The following PPARA variants were observed in gnomAD, a reference collection of about 807,000 sequenced individuals.
PPARA encodes peroxisome proliferator-activated receptor alpha.
Under a neutral mutation model 42.2 loss-of-function variants are expected in PPARA, and 22 were observed. The ratio of observed to expected loss-of-function variants is 0.52; its 90% confidence interval spans 0.37 to 0.74. PPARA has a LOEUF of 0.74. PPARA is among the 30% of genes least tolerant of loss of function. The probability of loss-of-function intolerance (pLI) is 0.00; values close to 1 mark genes in which losing one functional copy is unlikely to be tolerated. For missense variants in PPARA, 465 were observed against 608.2 expected, an observed-to-expected ratio of 0.76 and a Z score of 2.48; for synonymous variants, 242 against 239.3, an observed-to-expected ratio of 1.01 and a Z score of -0.10.
Position 46,204,225 on chromosome 22 carries a change from G to T in PPARA, c.208+5634G>T, listed in dbSNP as rs1933018426. ...TCATCCATCATGTGGACATAGCACAGTTTGCTGATTCACGCACCTGTTGAT... is the reference window on the plus strand; with the variant it reads ...TCATCCATCATGTGGACATAGCACATTTTGCTGATTCACGCACCTGTTGAT... On this transcript the variant is annotated intron_variant, in intron 4 of 8. Transcript: ENST00000407236. This position sits in a 1 kb window ranked among gnomAD's most constrained non-coding sequence, Gnocchi z 5.2. 6.6e-6 allele frequency among the ~76,000 whole-genome samples: 1 copy of T among 152,236 alleles called. No homozygotes were observed. Among genetic ancestry groups the T allele is most frequent in the Non-Finnish European group, 1.5e-5 (1 of 68,050 alleles).
chr22:46,170,543 C>A (rs768386370), intron 2 of PPARA, among the ~76,000 whole-genome samples: 2 of 151,014 alleles, frequency 1.3e-5, no homozygotes, highest in Non-Finnish European at 3.0e-5. Flanking sequence ...GCCACTGCAC[C>A]GGTCCTGATT....
At chr22:46,223,873 C>G (rs1233728977) in intron 7 of PPARA, among the ~76,000 whole-genome samples, 1 of 149,812 alleles carries the variant, frequency 6.7e-6, no homozygotes, top group Non-Finnish European at 1.5e-5. Context: ...TGGCGTGAAC[C>G]TGGGAGGTGG....
intron 3 of PPARA, among the ~76,000 whole-genome samples, chr22:46,179,801 C>T (rs1929692635): frequency 6.6e-6 from 1 of 152,160 alleles, no homozygotes; most frequent in South Asian, 2.1e-4. Flanking sequence ...AAGAAATATT[C>T]GAAAAGCATT....
chr22:46,198,170 G>A (rs552223563), intron 3 of PPARA, among the ~76,000 whole-genome samples, 172 bp from the exon 4 acceptor site: 18 of 145,316 alleles, frequency 1.2e-4, no homozygotes, highest in Non-Finnish European at 2.5e-4. Context: ...CCCGGGAGGC[G>A]GAGCTTGCAG....
chr22:46,160,031 A>G lies in PPARA; in HGVS notation c.-127+8061A>G, dbSNP rs1925915719. Among the ~76,000 whole-genome samples, 1 of 151,924 alleles carries G rather than the reference A, an allele frequency of 6.6e-6. No homozygotes were observed. Among genetic ancestry groups the G allele is most frequent in the African/African-American group, 2.4e-5 (1 of 41,356 alleles). On this transcript the variant is annotated intron_variant, in intron 2 of 8. Coordinates refer to ENST00000407236, the MANE Select transcript of PPARA (RefSeq NM_005036.6). The surrounding 1 kb of genome is among the most constrained non-coding windows in gnomAD (Gnocchi z 4.5). ...CTGTGACTGGAAGACGCCGACCACC[A>G]CTGCAGCAGCCTGAAAACCACAGTC...
rs1304482114 is a variant in PPARA at position 46,225,635 on chromosome 22, C to A, written c.711+5621C>A. ...TGCATGCATGTGTACACAAACACAC[C>A]CACACATACACATGCACCCACACGT... On this transcript the variant is annotated intron_variant, in intron 7 of 8. Coordinates refer to ENST00000407236, the MANE Select transcript of PPARA (RefSeq NM_005036.6). The surrounding 1 kb of genome is among the most constrained non-coding windows in gnomAD (Gnocchi z 4.1). Among the ~76,000 whole-genome samples, 1 of 147,352 alleles carries A rather than the reference C, an allele frequency of 6.8e-6. No individual in the cohort carries two copies. The highest frequency in any genetic ancestry group is 2.2e-4 in the South Asian group (1 of 4,648).
At position 46,234,173 on chromosome 22, in the gene PPARA, A is replaced by G. The variant is rs1293525922; in HGVS notation, c.1160-960A>G. 6.6e-6 allele frequency among the ~76,000 whole-genome samples: 1 copy of G among 152,130 alleles called. No homozygotes were observed. The highest frequency in any genetic ancestry group is 1.5e-5 in the Non-Finnish European group (1 of 68,022). On this transcript the variant is annotated intron_variant, in intron 8 of 8. Transcript: ENST00000407236. This position sits in a 1 kb window ranked among gnomAD's most constrained non-coding sequence, Gnocchi z 5.8. Reference sequence around the variant, plus strand: ...ATAGTTATAGCCCCAGCCACTCTGGAGGCCGAGGCAGGAGGATTGCTTGAG... The same window carrying G: ...ATAGTTATAGCCCCAGCCACTCTGGGGGCCGAGGCAGGAGGATTGCTTGAG...
At chr22:46,199,226 T>A (rs982311735) in intron 4 of PPARA, among the ~76,000 whole-genome samples, 2 of 152,088 alleles carry the variant, frequency 1.3e-5, no homozygotes, top group Non-Finnish European at 2.9e-5. Context: ...AGGGTCTGCA[T>A]AGAGGTACTG....
chr22:46,239,497 G>C lies in PPARA; in HGVS notation c.*4117G>C, dbSNP rs1037343388. The C allele has an allele frequency of 6.7e-6, 1 of 148,290 alleles. No individual in the cohort carries two copies. Among genetic ancestry groups the C allele is most frequent in the Non-Finnish European group, 1.5e-5 (1 of 67,248 alleles). 9.2% of individuals were successfully genotyped at this position (148,290 alleles called of 1,614,324 possible). A position where few individuals can be genotyped will look rare whatever the true frequency, so the allele number is the denominator to read the frequency against. On this transcript the variant is annotated 3_prime_UTR_variant, in exon 9 of 9. Transcript: ENST00000407236. Reference sequence around the variant, plus strand: ...CCCACACACAGGGGAGCAGCATCTCGTATGACGTCTGGAAGGAACTTCGGT... The same window carrying C: ...CCCACACACAGGGGAGCAGCATCTCCTATGACGTCTGGAAGGAACTTCGGT...
chr22:46,225,727 G>A lies in PPARA; in HGVS notation c.711+5713G>A, dbSNP rs1337410340. Among the ~76,000 whole-genome samples, 1 of 119,530 alleles carries A rather than the reference G, an allele frequency of 8.4e-6. No individual in the cohort carries two copies. The highest frequency in any genetic ancestry group is 1.8e-5 in the Non-Finnish European group (1 of 56,452). 78.4% of individuals were successfully genotyped at this position (119,530 alleles called of 152,430 possible). On this transcript the variant is annotated intron_variant, in intron 7 of 8. Transcript: ENST00000407236. The surrounding 1 kb of genome is among the most constrained non-coding windows in gnomAD (Gnocchi z 4.1). ...CACACATGCACCCACACGCACACAA[G>A]CATCCATGCTCACATGGGTACACAC...
In PPARA at chr22:46,232,102, G is replaced by A. The variant is rs750328755; in HGVS notation, c.1022G>A (p.Arg341His). The A allele has an allele frequency of 4.3e-6, 7 of 1,614,194 alleles. No homozygotes were observed. Among genetic ancestry groups the A allele is most frequent in the Admixed American group, 1.7e-5 (1 of 60,020 alleles). Residue 341 changes from arginine to histidine, a missense_variant, in exon 8 of 9, where the codon CGT becomes CAT. Physicochemically the swap from Arg to His is conservative, Grantham distance 29. Coordinates refer to ENST00000407236, the MANE Select transcript of PPARA (RefSeq NM_005036.6). The surrounding 1 kb of genome is among the most constrained non-coding windows in gnomAD (Gnocchi z 5.3). ...LVAYGNGFIT[R>H]EFLKSLRKPF... ...GCGTATGGAAATGGGTTTATAACTC[G>A]TGAATTCCTAAAAAGCCTAAGGAAA...
intron 2 of PPARA, 48 bp downstream of exon 2, chr22:46,152,018 G>A (rs1305044718): frequency 6.6e-6 from 1 of 151,654 alleles, no homozygotes; most frequent in Non-Finnish European, 1.5e-5. Flanking sequence ...ATATTTAAGT[G>A]TTTTCAGTGT....
In PPARA at chr22:46,161,607, T is replaced by C. The variant is rs543867727; in HGVS notation, c.-127+9637T>C. 5.3e-5 allele frequency among the ~76,000 whole-genome samples: 8 copies of C among 152,054 alleles called. No homozygotes were observed. Among genetic ancestry groups the C allele is most frequent in the African/African-American group, 1.9e-4 (8 of 41,460 alleles). On this transcript the variant is annotated intron_variant, in intron 2 of 8. Transcript: ENST00000407236. This position sits in a 1 kb window ranked among gnomAD's most constrained non-coding sequence, Gnocchi z 4.8. ...CAAAAATAATAAGTAAATAAATAAATAAATAAAAATTAGAACTCAGAAAAG... is the reference window on the plus strand; with the variant it reads ...CAAAAATAATAAGTAAATAAATAAACAAATAAAAATTAGAACTCAGAAAAG...
intron 7 of PPARA, among the ~76,000 whole-genome samples, chr22:46,223,371 G>T (rs893881954): frequency 3.9e-5 from 6 of 152,010 alleles, no homozygotes; most frequent in Non-Finnish European, 8.8e-5. Context: ...GGCCAGGCGC[G>T]GTGGCTCATG....
At chr22:46,159,072 G>C (rs1925752544) in intron 2 of PPARA, among the ~76,000 whole-genome samples, 1 of 152,072 alleles carries the variant, frequency 6.6e-6, no homozygotes, top group Non-Finnish European at 1.5e-5. Flanking sequence ...GTATTTTTTA[G>C]TGGAGACGGG....
Position 46,242,795 on chromosome 22 carries a change from C to T in PPARA, c.*7415C>T, listed in dbSNP as rs1601843555. 6.6e-6 allele frequency: 1 copy of T among 152,362 alleles called. No homozygotes were observed. The highest frequency in any genetic ancestry group is 1.5e-5 in the Non-Finnish European group (1 of 68,112). The allele number at this position is 152,362 out of a possible 1,614,324, so 9.4% of individuals were successfully genotyped here. A position where few individuals can be genotyped will look rare whatever the true frequency, so the allele number is the denominator to read the frequency against. ...TTTCTCCTGAGCCATGCAGAATTTACTTTCAATGTGGAAATCTGTTCCCTT... is the reference window on the plus strand; with the variant it reads ...TTTCTCCTGAGCCATGCAGAATTTATTTTCAATGTGGAAATCTGTTCCCTT... On this transcript the variant is annotated 3_prime_UTR_variant, in exon 9 of 9. Transcript: ENST00000407236. This position sits in a 1 kb window ranked among gnomAD's most constrained non-coding sequence, Gnocchi z 6.1.
Position 46,239,693 on chromosome 22 carries a change from GC to G in PPARA, c.*4314del. ...CCCCCTCTCCTCTTCACCTCTTCCT[GC>G]TGGCCACGAGGAAGCCACTTCCTCA... On this transcript the variant is annotated 3_prime_UTR_variant, in exon 9 of 9. Transcript: ENST00000407236. 8.8e-6 allele frequency: 1 copy of G among 113,048 alleles called. No individual in the cohort carries two copies. The highest frequency in any genetic ancestry group is 1.7e-5 in the Non-Finnish European group (1 of 60,256). The allele number at this position is 113,048 out of a possible 1,614,324, so 7.0% of individuals were successfully genotyped here. A position where few individuals can be genotyped will look rare whatever the true frequency, so the allele number is the denominator to read the frequency against.
chr22:46,231,960 A>G lies in PPARA; in HGVS notation c.880A>G (p.Ile294Val). The change falls in exon 8 of 9, where the codon ATC becomes GTC. Residue 294 changes from isoleucine (I) to valine (V), a missense_variant. Physicochemically the swap from Ile to Val is conservative, Grantham distance 29 (BLOSUM62 3). Around this residue, in one of 2 missense-constraint regions of PPARA, gnomAD observed 313 missense variants for 469.1 expected, o/e 0.67. Transcript: ENST00000407236. This position sits in a 1 kb window ranked among gnomAD's most constrained non-coding sequence, Gnocchi z 7.7. ...VTELTEFAKA[I>V]PGFANLDLND... is the part of the protein sequence containing the mutation. ...GGAGCTCACGGAATTCGCCAAGGCC[A>G]TCCCAGGCTTCGCAAACTTGGACCT... is the stretch of plus-strand genomic sequence containing the variant. 2.5e-6 allele frequency: 4 copies of G among 1,614,250 alleles called. No homozygotes were observed. Among genetic ancestry groups the G allele is most frequent in the Non-Finnish European group, 2.5e-6 (3 of 1,180,048 alleles).
In PPARA at chr22:46,222,563, C is replaced by G. The variant is rs888586667; in HGVS notation, c.711+2549C>G. Among the ~76,000 whole-genome samples the G allele has an allele frequency of 6.6e-6, 1 of 152,202 alleles. No individual in the cohort carries two copies. Among genetic ancestry groups the G allele is most frequent in the Non-Finnish European group, 1.5e-5 (1 of 68,044 alleles). ...GTTTCCAGCAGACACCCACACTAGG[C>G]AGCTCCAGAGGCTTGTCCCAATTAG... On this transcript the variant is annotated intron_variant, in intron 7 of 8. Coordinates refer to ENST00000407236, the MANE Select transcript of PPARA (RefSeq NM_005036.6). This position sits in a 1 kb window ranked among gnomAD's most constrained non-coding sequence, Gnocchi z 5.9.
Sources: allele counts gnomAD v4.1 joint callset (sites outside exome capture counted in the v4.1 genomes callset), GRCh38; gene constraint gnomAD v4.1.1; regional missense constraint gnomAD v4.1.1; non-coding constraint Gnocchi (gnomAD v3.1); transcripts MANE v1.5; gene names NCBI Gene and HGNC (gene_info 2026-07-23, HGNC 2026-07-21).